Variants in AGBL4 observed in about 807,000 individuals in gnomAD.
AGBL4 encodes the protein AGBL carboxypeptidase 4.
AGBL4 carries 58 observed loss-of-function variants against 66.4 expected under a neutral mutation model. The observed-to-expected ratio is 0.87, with a 90% confidence interval of 0.71 to 1.09. The LOEUF is 1.09. Among genes scored for constraint, AGBL4 ranks in the 50% least tolerant of loss-of-function variants. The pLI is 0.00. For missense variants in AGBL4, 579 were observed against 631.0 expected (o/e 0.92, Z 0.88); for synonymous variants, 234 against 222.9 (o/e 1.05, Z -0.44).
At chr1:49,909,121 T>C (rs1650564129) in intron 1 of AGBL4, among the ~76,000 whole-genome samples, 1 of 152,170 alleles carries the variant, frequency 6.6e-6, no homozygotes, top group African/African-American at 2.4e-5. Context: ...CCTCAGTTTC[T>C]CCATCTGTAA....
chr1:48,703,428 A>C (rs1485640665), intron 6 of AGBL4, among the ~76,000 whole-genome samples: 1 of 152,212 alleles, frequency 6.6e-6, no homozygotes, highest in Non-Finnish European at 1.5e-5. Context: ...AGATGAAGAT[A>C]AGAAAGGAGA....
intron 2 of AGBL4, among the ~76,000 whole-genome samples, chr1:49,796,248 A>G (rs1310562990): frequency 6.6e-6 from 1 of 151,894 alleles, no homozygotes. Flanking sequence ...TTAAATTGGT[A>G]CAATCATTCT....
At chr1:48,764,913 T>G (rs1157096057) in intron 6 of AGBL4, among the ~76,000 whole-genome samples, 3 of 152,202 alleles carry the variant, frequency 2.0e-5, no homozygotes, top group Non-Finnish European at 4.4e-5. Context: ...GGCTTGCTTC[T>G]GGAGGTAGAG....
At chr1:49,159,483 G>T (rs1288383506) in intron 4 of AGBL4, among the ~76,000 whole-genome samples, 1 of 152,098 alleles carries the variant, frequency 6.6e-6, no homozygotes, top group Non-Finnish European at 1.5e-5. Context: ...TTTCTCTCTG[G>T]CTGCCCTTAA....
chr1:49,973,255 G>A (rs1370152269), intron 1 of AGBL4, among the ~76,000 whole-genome samples: 1 of 152,152 alleles, frequency 6.6e-6, no homozygotes, highest in African/African-American at 2.4e-5. Flanking sequence ...ATAAACAGCA[G>A]CCCTAGTGTA....
At chr1:48,547,592 A>T (rs1163445178) in intron 11 of AGBL4, among the ~76,000 whole-genome samples, 1 of 152,198 alleles carries the variant, frequency 6.6e-6, no homozygotes, top group Non-Finnish European at 1.5e-5. Context: ...CTGAATCAGA[A>T]ATGGGAAAAA....
intron 5 of AGBL4, among the ~76,000 whole-genome samples, chr1:48,959,049 G>T (rs1424646249): frequency 6.6e-6 from 1 of 152,204 alleles, no homozygotes; most frequent in African/African-American, 2.4e-5. Context: ...CTGGAGAATA[G>T]AAGTATTCCA....
At position 49,236,955 on chromosome 1, in the gene AGBL4, G is replaced by T. The variant is rs142948452; in HGVS notation, c.377+8815C>A. On this transcript the variant is annotated intron_variant, in intron 4 of 13. Coordinates refer to ENST00000371839, the MANE Select transcript of AGBL4 (RefSeq NM_032785.4). ...CACTGTTATCCTGATAGGGAATCATGAGATCTGATGATGGTTTTAAAAAAT... is the reference window on the plus strand; with the variant it reads ...CACTGTTATCCTGATAGGGAATCATTAGATCTGATGATGGTTTTAAAAAAT... Among the ~76,000 whole-genome samples the T allele has an allele frequency of 1.6e-3, 241 of 152,110 alleles. 4 individuals are homozygous for T. Among genetic ancestry groups the T allele is most frequent in the African/African-American group, 5.6e-3 (234 of 41,508 alleles).
chr1:49,100,311 G>A (rs1008980282), intron 4 of AGBL4, among the ~76,000 whole-genome samples: 8 of 152,256 alleles, frequency 5.3e-5, no homozygotes, highest in South Asian at 2.1e-4. Context: ...TGAATCAGCC[G>A]TTGGATGTAG....
intron 3 of AGBL4, among the ~76,000 whole-genome samples, chr1:49,561,437 C>G (rs554448471): frequency 1.3e-5 from 2 of 152,028 alleles, no homozygotes; most frequent in South Asian, 4.2e-4. Context: ...AGGTGTATCT[C>G]CTAATGCTAT....
intron 5 of AGBL4, among the ~76,000 whole-genome samples, chr1:48,956,778 T>C (rs561625589): frequency 1.3e-5 from 2 of 152,216 alleles, no homozygotes; most frequent in East Asian, 1.9e-4. Flanking sequence ...AGCAGGCAGA[T>C]AGGAAACAAA....
At chr1:49,018,599 T>G (rs1233196642) in intron 5 of AGBL4, among the ~76,000 whole-genome samples, 1 of 152,326 alleles carries the variant, frequency 6.6e-6, no homozygotes, top group African/African-American at 2.4e-5. Flanking sequence ...GTCAGACATT[T>G]CTGGGTCCTG....
intron 3 of AGBL4, among the ~76,000 whole-genome samples, chr1:49,397,583 A>C (rs1644998970): frequency 6.6e-6 from 1 of 152,210 alleles, no homozygotes; most frequent in Non-Finnish European, 1.5e-5. Context: ...GAATTGAATC[A>C]GAAGAGTATT....
At chr1:49,877,798 T>G (rs1252934310) in intron 1 of AGBL4, among the ~76,000 whole-genome samples, 4 of 151,174 alleles carry the variant, frequency 2.6e-5, no homozygotes, top group African/African-American at 4.9e-5. Context: ...CTGGACTCTT[T>G]TTGGTTGGTA....
chr1:49,582,176 A>C (rs1644555298), intron 3 of AGBL4, among the ~76,000 whole-genome samples: 1 of 152,138 alleles, frequency 6.6e-6, no homozygotes, highest in Non-Finnish European at 1.5e-5. Context: ...GATGGAAAAA[A>C]ACTGATTGGA....
At chr1:49,475,817 CTATT>C (rs1646834852) in intron 3 of AGBL4, among the ~76,000 whole-genome samples, 1 of 152,000 alleles carries the variant, frequency 6.6e-6, no homozygotes, top group Non-Finnish European at 1.5e-5. Flanking sequence ...GATCTTCTCT[CTATT>C]TCTTTTTTAA....
At chr1:49,102,764 T>C (rs968103905) in intron 4 of AGBL4, among the ~76,000 whole-genome samples, 2 of 152,060 alleles carry the variant, frequency 1.3e-5, no homozygotes, top group Non-Finnish European at 2.9e-5. Flanking sequence ...GTTAACTGAG[T>C]TGTGACAAGC....
At chr1:49,097,739 T>A (rs1645132401) in intron 4 of AGBL4, among the ~76,000 whole-genome samples, 1 of 152,128 alleles carries the variant, frequency 6.6e-6, no homozygotes, top group Non-Finnish European at 1.5e-5. Context: ...CACCACCACA[T>A]CTGGCTAATT....
intron 4 of AGBL4, among the ~76,000 whole-genome samples, chr1:49,109,271 G>A (rs1008034664): frequency 6.6e-6 from 1 of 152,162 alleles, no homozygotes; most frequent in African/African-American, 2.4e-5. Context: ...AACAGCTACT[G>A]TGGAAGCCAT....
Sources: allele counts gnomAD v4.1 joint callset (sites outside exome capture counted in the v4.1 genomes callset), GRCh38; gene constraint gnomAD v4.1.1; transcripts MANE v1.5; gene names NCBI Gene and HGNC (gene_info 2026-07-23, HGNC 2026-07-21).